The following PRUNE2 variants were observed in gnomAD, a reference collection of about 807,000 sequenced individuals.
The protein encoded by PRUNE2 is prune homolog 2 with BCH domain.
In PRUNE2, 164 loss-of-function variants were observed where a neutral mutation model predicts 252.0. That is an observed-to-expected ratio of 0.65 (90% CI 0.57 to 0.74). The LOEUF (loss-of-function observed/expected upper bound fraction) is 0.74. PRUNE2 is among the 30% of genes least tolerant of loss of function. The pLI is 0.00. For synonymous variants in PRUNE2, 1,292 were observed against 1,350.2 expected (o/e 0.96, Z 0.94); for missense variants, 3,495 against 3,711.0 (o/e 0.94, Z 1.51).
At position 76,768,583 on chromosome 9, in the gene PRUNE2, ATGTGTG is replaced by A. The variant is rs55793596; in HGVS notation, c.757-54868_757-54863del. ...TGGGTTGATATATATATGTATATGT[ATGTGTG>A]TGTGTGTGTGTGTGTGTGTGTGTGT... is the stretch of plus-strand genomic sequence containing the variant. On this transcript the variant is annotated intron_variant, in intron 6 of 18. Coordinates refer to ENST00000376718, the MANE Select transcript of PRUNE2 (RefSeq NM_015225.3). Among the ~76,000 whole-genome samples, 626 of 103,338 alleles carry A rather than the reference ATGTGTG, an allele frequency of 6.1e-3. 4 individuals carry two copies. The highest frequency in any genetic ancestry group is 0.013 in the African/African-American group (391 of 30,854). 67.8% of individuals were successfully genotyped at this position (103,338 alleles called of 152,430 possible).
chr9:76,894,818 G>A (rs773937968), intron 1 of PRUNE2, among the ~76,000 whole-genome samples: 10 of 151,746 alleles, frequency 6.6e-5, no homozygotes, highest in Non-Finnish European at 1.0e-4. Flanking sequence ...TCAGGAGTTC[G>A]AGATCAGCCT....
chr9:76,861,693 G>A (rs1456523102), intron 1 of PRUNE2, among the ~76,000 whole-genome samples: 1 of 151,884 alleles, frequency 6.6e-6, no homozygotes, highest in Non-Finnish European at 1.5e-5. Context: ...CAAATCGAGT[G>A]ACCTCAAATA....
chr9:76,837,299 A>G (rs536250549), intron 4 of PRUNE2, among the ~76,000 whole-genome samples: 13 of 152,044 alleles, frequency 8.6e-5, no homozygotes, highest in African/African-American at 1.4e-4. Flanking sequence ...AAAATTAGCC[A>G]GGCGTGGTGG....
intron 9 of PRUNE2, among the ~76,000 whole-genome samples, chr9:76,661,997 A>G (rs1851640523): frequency 6.6e-6 from 1 of 152,194 alleles, no homozygotes; most frequent in South Asian, 2.1e-4. Context: ...TCAATCACAA[A>G]AAGTCTCCAA....
At position 76,710,349 on chromosome 9, in the gene PRUNE2, C is replaced by T. The variant is rs1006472175; in HGVS notation, c.1925G>A (p.Gly642Asp). The T allele has an allele frequency of 4.3e-6, 7 of 1,613,994 alleles. No individual in the cohort carries two copies. In the East Asian group the frequency reaches 1.3e-4, roughly 31 times the overall value. The change falls in exon 8 of 19, where the codon GGT becomes GAT. Residue 642 changes from glycine to aspartate, a missense_variant. Gly to Asp is a moderately conservative substitution (Grantham distance 94). Coordinates refer to ENST00000376718, the MANE Select transcript of PRUNE2 (RefSeq NM_015225.3). ...EDMTQKATDT[G>D]HMGPPQTHAR... Reference sequence around the variant, plus strand: ...ATGGGTCTGAGGTGGCCCCATGTGACCTGTGTCAGTTGCTTTTTGGGTCAT... The same window carrying T: ...ATGGGTCTGAGGTGGCCCCATGTGATCTGTGTCAGTTGCTTTTTGGGTCAT...
chr9:76,655,548 A>G, intron 9 of PRUNE2, 46 bp from the exon 10 acceptor site: 3 of 1,396,242 alleles, frequency 2.1e-6, no homozygotes, highest in South Asian at 1.2e-5. Flanking sequence ...ACTGTGTAAG[A>G]CTTCATTTCT....
At chr9:76,667,046 CA>C (rs1048986286) in intron 9 of PRUNE2, among the ~76,000 whole-genome samples, 3 of 150,244 alleles carry the variant, frequency 2.0e-5, no homozygotes, top group South Asian at 2.1e-4. Context: ...AACTCTGTCA[CA>C]AAAAAAAAGA....
chr9:76,795,883 T>C (rs961842087), intron 6 of PRUNE2, among the ~76,000 whole-genome samples: 1 of 152,204 alleles, frequency 6.6e-6, no homozygotes, highest in Non-Finnish European at 1.5e-5. Flanking sequence ...TGCCTGGACA[T>C]TGACTTTTCA....
chr9:76,643,988 G>A (rs965294536), intron 12 of PRUNE2, among the ~76,000 whole-genome samples: 3 of 152,096 alleles, frequency 2.0e-5, no homozygotes, highest in African/African-American at 4.8e-5. Context: ...CCTCAGGCTC[G>A]GGAAAGGAAG....
chr9:76,731,664 A>T (rs968042207), intron 6 of PRUNE2, among the ~76,000 whole-genome samples: 1 of 152,148 alleles, frequency 6.6e-6, no homozygotes, highest in East Asian at 1.9e-4. Context: ...ACAAAATTGT[A>T]TCTTTCTAGT....
intron 4 of PRUNE2, among the ~76,000 whole-genome samples, chr9:76,834,123 T>A (rs1247624486): frequency 6.6e-6 from 1 of 151,994 alleles, no homozygotes. Flanking sequence ...CCTCAGGTGA[T>A]CCGCCCACCT....
At chr9:76,905,564 A>T (rs1262107327) in intron 1 of PRUNE2, among the ~76,000 whole-genome samples, 1 of 152,118 alleles carries the variant, frequency 6.6e-6, no homozygotes, top group Non-Finnish European at 1.5e-5. Context: ...TTACACTTAC[A>T]CGTAATGCAT....
At chr9:76,752,901 AAG>A (rs2050760466) in intron 6 of PRUNE2, among the ~76,000 whole-genome samples, 1 of 152,216 alleles carries the variant, frequency 6.6e-6, no homozygotes, top group South Asian at 2.1e-4. Flanking sequence ...AGCATTTGAA[AAG>A]AGTCATTGGG....
rs141991301 is a variant in PRUNE2 at position 76,631,135 on chromosome 9, C to T, written c.9051-1845G>A. ...CCTCCTGATAAGTCTTGGGTCAACACACACTACCAGTGATATGCTACATTA... is the reference window on the plus strand; with the variant it reads ...CCTCCTGATAAGTCTTGGGTCAACATACACTACCAGTGATATGCTACATTA... On this transcript the variant is annotated intron_variant, in intron 15 of 18. Coordinates refer to ENST00000376718, the MANE Select transcript of PRUNE2 (RefSeq NM_015225.3). Among the ~76,000 whole-genome samples the T allele has an allele frequency of 4.1e-4, 62 of 152,348 alleles. 1 individual carries two copies. Among genetic ancestry groups the T allele is most frequent in the African/African-American group, 1.4e-3 (60 of 41,576 alleles).
chr9:76,779,258 G>T (rs1244906631), intron 6 of PRUNE2, among the ~76,000 whole-genome samples: 3 of 150,540 alleles, frequency 2.0e-5, no homozygotes, highest in African/African-American at 7.4e-5. Context: ...GAAGTATCTG[G>T]ATGTTCCTTA....
rs754181991 is a variant in PRUNE2, at chr9:76,705,212, A to G, written c.7062T>C (p.Tyr2354=). 2.5e-6 allele frequency: 4 copies of G among 1,613,984 alleles called. No homozygotes were observed. The highest frequency in any genetic ancestry group is 2.5e-6 in the Non-Finnish European group (3 of 1,179,882). ...SSEASWGDFE[Y]DVMGQNIDED... ...CATCGATATTCTGGCCCATTACATC[A>G]TATTCAAAATCACCCCACGAGGCTT... Residue 2354 remains tyrosine (Y), a synonymous_variant, in exon 8 of 19, where the codon TAT becomes TAC. Transcript: ENST00000376718.
intron 1 of PRUNE2, among the ~76,000 whole-genome samples, chr9:76,860,261 GACTCC>G (rs2060480232): frequency 6.6e-6 from 1 of 152,182 alleles, no homozygotes; most frequent in Non-Finnish European, 1.5e-5. Flanking sequence ...TCGATCTTGT[GACTCC>G]CTTAATTGCT....
chr9:76,827,202 T>C (rs2058393907), intron 4 of PRUNE2, among the ~76,000 whole-genome samples: 2 of 152,194 alleles, frequency 1.3e-5, no homozygotes, highest in African/African-American at 2.4e-5. Flanking sequence ...ACTAAATGAA[T>C]GTATAATCCC....
intron 17 of PRUNE2, among the ~76,000 whole-genome samples, chr9:76,620,960 C>T (rs933995920): frequency 6.6e-6 from 1 of 152,166 alleles, no homozygotes; most frequent in Non-Finnish European, 1.5e-5. Context: ...AAGTATAATA[C>T]TTTCTTTCCT....
Sources: gnomAD v4.1 joint callset for allele counts (sites outside exome capture counted in the v4.1 genomes callset) on GRCh38, gnomAD v4.1.1 for gene constraint, MANE v1.5 for transcripts, NCBI Gene and HGNC (gene_info 2026-07-23, HGNC 2026-07-21) for gene names.